Variants in YBX3 observed in about 807,000 individuals in gnomAD.
The protein encoded by YBX3 is Y-box binding protein 3, also known as Y-box-binding protein 3.
In YBX3, 29 loss-of-function variants were observed where a neutral mutation model predicts 42.4. That is an observed-to-expected ratio of 0.68 (90% CI 0.51 to 0.93). The LOEUF is 0.93. Ranked by LOEUF, YBX3 falls within the 40% of genes least tolerant of loss-of-function variation. The probability of loss-of-function intolerance (pLI) is 0.00; values close to 1 mark genes in which losing one functional copy is unlikely to be tolerated. For missense variants in YBX3, 517 were observed against 527.5 expected (o/e 0.98, Z 0.19); for synonymous variants, 195 against 189.8 (o/e 1.03, Z -0.22).
chr12:10,715,621 G>A (rs1591581575), intron 4 of YBX3, 73 bp downstream of exon 4: 1 of 1,306,410 alleles, frequency 7.7e-7, no homozygotes, highest in Non-Finnish European at 1.1e-6. Context: ...ATTCATAAGG[G>A]GCTGATAGAT....
chr12:10,715,879 T>A, intron 3 of YBX3, 96 bp from the exon 4 acceptor site: 1 of 996,556 alleles, frequency 1.0e-6, no homozygotes, highest in Non-Finnish European at 1.5e-6. Context: ...TTGAAGAAAC[T>A]GTTGACCGAT....
At chr12:10,710,609 A>G in intron 5 of YBX3, 1 of 1,259,092 alleles carries the variant, frequency 7.9e-7, no homozygotes. Flanking sequence ...CCAGGGGGTC[A>G]GCGAGGTCAA....
chr12:10,709,145 C>T (rs12425492), intron 6 of YBX3, among the ~76,000 whole-genome samples: 12,581 of 152,054 alleles, frequency 0.083, 543 homozygotes, highest in East Asian at 0.11. Flanking sequence ...ACATAATGTT[C>T]GGTCAAAACA....
At chr12:10,709,883 A>C (rs1481956892) in intron 6 of YBX3, 25 bp downstream of exon 6, 3 of 1,612,742 alleles carry the variant, frequency 1.9e-6, no homozygotes, top group Non-Finnish European at 2.5e-6. Flanking sequence ...GGATTGCTGA[A>C]GAGAAGTCTC....
chr12:10,722,785 C>T (rs1050897483), intron 1 of YBX3, 65 bp downstream of exon 1: 33 of 1,314,262 alleles, frequency 2.5e-5, no homozygotes, highest in Non-Finnish European at 3.1e-5. Context: ...GCTGCCCACA[C>T]GTGCTCCGCG....
intron 5 of YBX3, chr12:10,710,402 C>G (rs778144999): frequency 1.5e-5 from 20 of 1,330,606 alleles, no homozygotes; most frequent in Non-Finnish European, 1.7e-5. Context: ...TATCAGCTAA[C>G]CAACCACCCG....
At chr12:10,713,185 C>T (rs1948219146) in intron 5 of YBX3, 26 bp downstream of exon 5, 35 of 1,596,054 alleles carry the variant, frequency 2.2e-5, no homozygotes, top group Non-Finnish European at 3.0e-5. Flanking sequence ...TTCTCAATCA[C>T]TGGTTAAGTA....
chr12:10,721,154 G>C (rs1203631228), intron 1 of YBX3, among the ~76,000 whole-genome samples: 2 of 152,214 alleles, frequency 1.3e-5, no homozygotes, highest in Non-Finnish European at 2.9e-5. Context: ...GGGATGGCAG[G>C]ACACACTAGA....
At chr12:10,711,439 AT>A (rs1036823374) in intron 5 of YBX3, 2 of 152,230 alleles carry the variant, frequency 1.3e-5, no homozygotes, top group Non-Finnish European at 2.9e-5. Flanking sequence ...TTCAAAAAAA[AT>A]CAAGTCATTC....
intron 5 of YBX3, chr12:10,712,280 C>T (rs1274491271): frequency 6.6e-6 from 1 of 152,176 alleles, no homozygotes; most frequent in Non-Finnish European, 1.5e-5. Flanking sequence ...GGTTCTAATT[C>T]TAGAAACACC....
At chr12:10,703,820 CTTA>C (rs955855175) in intron 7 of YBX3, 2 of 484,772 alleles carry the variant, frequency 4.1e-6, no homozygotes, top group African/African-American at 1.9e-5. Flanking sequence ...TAATTTACAT[CTTA>C]TTATAATTCC....
At position 10,713,193 on chromosome 12, in the gene YBX3, G is replaced by A; in HGVS notation, c.573+18C>T. ...GAACAATTTCTCAATCACTGGTTAA[G>A]TAACAGAGACAACGTACATTCCGGG... On this transcript the variant is annotated intron_variant, in intron 5 of 9. Transcript: ENST00000228251. 1 of 1,604,544 alleles carries A rather than the reference G, an allele frequency of 6.2e-7. No individual in the cohort carries two copies. Among genetic ancestry groups the A allele is most frequent in the Non-Finnish European group, 8.5e-7 (1 of 1,176,402 alleles).
At chr12:10,712,311 A>C (rs1392388835) in intron 5 of YBX3, 1 of 152,204 alleles carries the variant, frequency 6.6e-6, no homozygotes, top group Non-Finnish European at 1.5e-5. Context: ...CAAATCTAGT[A>C]AGTTTCTCAT....
At position 10,699,568 on chromosome 12, in the gene YBX3, T is replaced by C. The variant is rs1413479588; in HGVS notation, c.*121A>G. 1 of 152,664 alleles carries C rather than the reference T, an allele frequency of 6.6e-6. No individual in the cohort carries two copies. The highest frequency in any genetic ancestry group is 1.5e-5 in the Non-Finnish European group (1 of 68,038). The allele number at this position is 152,664 out of a possible 1,614,324, so 9.5% of individuals were successfully genotyped here. A position where few individuals can be genotyped will look rare whatever the true frequency, so the allele number is the denominator to read the frequency against. ...CCAAATCTTGGTTAGTCTTCCACTT[T>C]ATTGCTTGGATGTTTCTTTGGTGTT... On this transcript the variant is annotated 3_prime_UTR_variant, in exon 10 of 10. Transcript: ENST00000228251.
intron 6 of YBX3, among the ~76,000 whole-genome samples, chr12:10,706,152 G>C (rs1023973021): frequency 2.0e-5 from 3 of 152,164 alleles, no homozygotes; most frequent in African/African-American, 7.2e-5. Flanking sequence ...ATATATGTGG[G>C]TTTATGGCAA....
At chr12:10,719,207 A>G in intron 1 of YBX3, 64 bp from the exon 2 acceptor site, 9 of 1,360,102 alleles carry the variant, frequency 6.6e-6, no homozygotes, top group Non-Finnish European at 8.3e-6. Flanking sequence ...TCATATCACT[A>G]AGATCTTGAT....
At chr12:10,718,044 C>A in intron 3 of YBX3, 44 bp downstream of exon 3, 1 of 1,545,262 alleles carries the variant, frequency 6.5e-7, no homozygotes, top group Admixed American at 1.7e-5. Context: ...AGATTACACA[C>A]CCTCTCCTCA....
chr12:10,719,268 T>G (rs562174676), intron 1 of YBX3, 125 bp from the exon 2 acceptor site: 2 of 760,984 alleles, frequency 2.6e-6, no homozygotes, highest in African/African-American at 3.6e-5. Flanking sequence ...AAAGCTTAAT[T>G]CCAAAATACT....
chr12:10,699,532 C>T lies in YBX3; in HGVS notation c.*157G>A, dbSNP rs1373082883. ...TTGTTTCTTAAAGAATAACAGTAAA[C>T]ATTCCAATGTCCAAATCTTGGTTAG... On this transcript the variant is annotated 3_prime_UTR_variant, in exon 10 of 10. Transcript: ENST00000228251. 1 of 152,594 alleles carries T rather than the reference C, an allele frequency of 6.6e-6. No individual in the cohort carries two copies. Among genetic ancestry groups the T allele is most frequent in the Non-Finnish European group, 1.5e-5 (1 of 68,024 alleles). The allele number at this position is 152,594 out of a possible 1,614,324, so 9.5% of individuals were successfully genotyped here. A position where few individuals can be genotyped will look rare whatever the true frequency, so the allele number is the denominator to read the frequency against.
Sources: allele counts gnomAD v4.1 joint callset (sites outside exome capture counted in the v4.1 genomes callset), GRCh38; gene constraint gnomAD v4.1.1; transcripts MANE v1.5; gene names NCBI Gene and HGNC (gene_info 2026-07-23, HGNC 2026-07-21).